CYP3A7: variants seen among roughly 807,000 people sequenced by gnomAD.
CYP3A7 encodes the protein cytochrome P450 3A7.
CYP3A7 carries 45 observed loss-of-function variants against 55.2 expected under a neutral mutation model. The observed-to-expected ratio is 0.82, with a 90% CI of 0.64 to 1.05. CYP3A7 has a LOEUF of 1.05. Ranked by LOEUF, CYP3A7 falls within the 50% of genes least tolerant of loss-of-function variation. The probability of loss-of-function intolerance (pLI) is 0.00; values close to 1 mark genes in which losing one functional copy is unlikely to be tolerated. For synonymous variants in CYP3A7, 180 were observed against 207.4 expected (o/e 0.87, Z 1.13); for missense variants, 548 against 605.3 (o/e 0.91, Z 0.99).
intron 9 of CYP3A7, 59 bp downstream of exon 9, chr7:99,713,410 G>T (rs1383162273): frequency 1.2e-6 from 2 of 1,609,196 alleles, no homozygotes; most frequent in East Asian, 4.5e-5. Context: ...CACATTTTCA[G>T]AACAAAACCT....
At chr7:99,734,469 C>T (rs1814751909) in intron 1 of CYP3A7, among the ~76,000 whole-genome samples, 2 of 152,138 alleles carry the variant, frequency 1.3e-5, no homozygotes, top group Admixed American at 1.3e-4. Flanking sequence ...TCAATCAATG[C>T]TGTCCCTAAA....
rs116255027 is a variant in CYP3A7 at position 99,709,061 on chromosome 7, T to C, written c.1227A>G (p.Thr409=). 1.4e-3 allele frequency: 2,238 copies of C among 1,614,026 alleles called. 9 individuals are homozygous for C. The East Asian group carries it at 0.014, about 10-fold the overall frequency. ...TTTCAGGGAGGAACTTCTCAGGCTC[T>C]GTCCAGTACTTTGGGTCATGATGAA... ...YVLHHDPKYW[T]EPEKFLPERF... The change falls in exon 11 of 13, where the codon ACA becomes ACG. Residue 409 remains threonine (T), a synonymous_variant. Transcript: ENST00000336374.
At position 99,722,366 on chromosome 7, in the gene CYP3A7, A is replaced by G. The variant is rs1350976335; in HGVS notation, c.166-18T>C. The stretch of plus-strand genomic sequence containing the variant: ...CAATAGCCCTGGGAGGAGAAACAAA[A>G]TAATATTTCATTATTATTTTAAGTG... On this transcript the variant is annotated intron_variant, in intron 2 of 12. Coordinates refer to ENST00000336374, the MANE Select transcript of CYP3A7 (RefSeq NM_000765.5). The G allele has an allele frequency of 1.9e-6, 3 of 1,612,648 alleles. No homozygotes were observed. The highest frequency in any genetic ancestry group is 4.5e-5 in the East Asian group (2 of 44,660).
rs149099828 is a variant in CYP3A7, at chr7:99,715,334, AC to A, written c.670+423del. The A allele has an allele frequency of 5.2e-4, 106 of 205,218 alleles. 1 individual carries two copies. In the East Asian group the frequency reaches 0.01, roughly 20 times the overall value. 12.7% of individuals were successfully genotyped at this position (205,218 alleles called of 1,614,324 possible). On this transcript the variant is annotated intron_variant, in intron 7 of 12. Transcript: ENST00000336374. The stretch of plus-strand genomic sequence containing the variant: ...AAAAAAACCCACAAATCAATAATCT[AC>A]ATTCATGCCACAACACAGTAAACGG...
intron 10 of CYP3A7, among the ~76,000 whole-genome samples, chr7:99,709,774 A>ATATGTG (rs1554428982): frequency 2.7e-5 from 4 of 150,170 alleles, no homozygotes; most frequent in African/African-American, 7.3e-5. Flanking sequence ...TATTATATAT[A>ATATGTG]TGTGTGTGTG....
chr7:99,708,269 A>G (rs2151500767), intron 11 of CYP3A7, among the ~76,000 whole-genome samples: 1 of 152,270 alleles, frequency 6.6e-6, no homozygotes, highest in Admixed American at 6.5e-5. Flanking sequence ...TGATGTGTTC[A>G]CACTACAAAA....
intron 1 of CYP3A7, among the ~76,000 whole-genome samples, chr7:99,732,095 G>A (rs374554712): frequency 6.6e-6 from 1 of 152,118 alleles, no homozygotes; most frequent in African/African-American, 2.4e-5. Flanking sequence ...CTGATAGATG[G>A]TGGTTGTATC....
chr7:99,716,981 G>A (rs1813976315), intron 6 of CYP3A7, among the ~76,000 whole-genome samples, 196 bp downstream of exon 6: 1 of 152,204 alleles, frequency 6.6e-6, no homozygotes, highest in South Asian at 2.1e-4. Flanking sequence ...GCACAGGGGA[G>A]AAGATCCTTT....
intron 7 of CYP3A7, 39 bp downstream of exon 7, chr7:99,715,719 A>G (rs1386305546): frequency 6.2e-7 from 1 of 1,613,038 alleles, no homozygotes; most frequent in East Asian, 2.2e-5. Flanking sequence ...AGTTATTTTT[A>G]AGAGAGAGGG....
At chr7:99,714,784 A>C in intron 7 of CYP3A7, 102 bp from the exon 8 acceptor site, 1 of 1,544,214 alleles carries the variant, frequency 6.5e-7, no homozygotes, top group Non-Finnish European at 8.7e-7. Context: ...AGTGAAATAC[A>C]TCAGTGTTCT....
chr7:99,708,723 T>A (rs1813622377), intron 11 of CYP3A7, among the ~76,000 whole-genome samples: 1 of 152,192 alleles, frequency 6.6e-6, no homozygotes, highest in African/African-American at 2.4e-5. Flanking sequence ...AATATTCATT[T>A]GTGGGACATA....
chr7:99,710,890 G>A lies in CYP3A7; in HGVS notation c.868C>T (p.Leu290=). 1 of 1,613,706 alleles carries A rather than the reference G, an allele frequency of 6.2e-7. No individual in the cohort carries two copies. Among genetic ancestry groups the A allele is most frequent in the Non-Finnish European group, 8.5e-7 (1 of 1,179,750 alleles). The change falls in exon 10 of 13, where the codon CTG becomes TTG. Residue 290 remains leucine (L), a splice_region_variant and synonymous_variant. Transcript: ENST00000336374. ...TGGGCCATGAGCTCCAGATCAGACAGAGCTGAAAGGAGAGAAAAGACATTT... is the reference window on the plus strand; with the variant it reads ...TGGGCCATGAGCTCCAGATCAGACAAAGCTGAAAGGAGAGAAAAGACATTT... ...NSKDSETHKA[L]SDLELMAQSI... is the part of the protein sequence containing the mutation.
chr7:99,723,304 C>G (rs916649464), intron 2 of CYP3A7, among the ~76,000 whole-genome samples: 1 of 152,146 alleles, frequency 6.6e-6, no homozygotes, highest in South Asian at 2.1e-4. Context: ...CCCAACTGAT[C>G]GATTGATCGA....
At chr7:99,708,945 A>G in intron 11 of CYP3A7, 90 bp downstream of exon 11, 7 of 1,407,448 alleles carry the variant, frequency 5.0e-6, no homozygotes, top group Non-Finnish European at 6.0e-6. Context: ...CAAGCAAACG[A>G]TTGTACAAGC....
rs546164132 is a variant in CYP3A7 at position 99,715,113 on chromosome 7, T to C, written c.671-431A>G. 2.6e-5 allele frequency among the ~76,000 whole-genome samples: 4 copies of C among 152,178 alleles called. No homozygotes were observed. The East Asian group carries it at 7.7e-4, about 29-fold the overall frequency. ...GCTAAAATCAATAAGGTAACGAAAATTGGGAAACTCACACATACGTGGAAG... is the reference window on the plus strand; with the variant it reads ...GCTAAAATCAATAAGGTAACGAAAACTGGGAAACTCACACATACGTGGAAG... On this transcript the variant is annotated intron_variant, in intron 7 of 12. Transcript: ENST00000336374.
At chr7:99,732,589 A>G (rs1004323516) in intron 1 of CYP3A7, among the ~76,000 whole-genome samples, 1 of 152,080 alleles carries the variant, frequency 6.6e-6, no homozygotes, top group African/African-American at 2.4e-5. Context: ...GACTTCCCCA[A>G]CTGGGGATTC....
chr7:99,708,787 T>G (rs1335426854), intron 11 of CYP3A7, among the ~76,000 whole-genome samples: 2 of 152,322 alleles, frequency 1.3e-5, no homozygotes, highest in East Asian at 1.9e-4. Context: ...TTTGGACACT[T>G]ATGACCCATA....
At chr7:99,716,045 C>G in intron 6 of CYP3A7, 139 bp from the exon 7 acceptor site, 3 of 1,529,174 alleles carry the variant, frequency 2.0e-6, no homozygotes, top group Non-Finnish European at 2.7e-6. Flanking sequence ...TGGAGCATCT[C>G]CCATCACACT....
intron 2 of CYP3A7, among the ~76,000 whole-genome samples, chr7:99,723,783 C>T (rs1814301832): frequency 6.6e-6 from 1 of 152,132 alleles, no homozygotes; most frequent in African/African-American, 2.4e-5. Flanking sequence ...CTCTCCCTTC[C>T]TTAATTTCAG....
Sources: gnomAD v4.1 joint callset for allele counts (sites outside exome capture counted in the v4.1 genomes callset) on GRCh38, gnomAD v4.1.1 for gene constraint, MANE v1.5 for transcripts, NCBI Gene and HGNC (gene_info 2026-07-23, HGNC 2026-07-21) for gene names.